NSD3: variants seen among roughly 807,000 people sequenced by gnomAD.
NSD3 encodes nuclear receptor binding SET domain protein 3, also known as histone-lysine N-methyltransferase NSD3.
NSD3 carries 24 observed loss-of-function variants against 160.8 expected under a neutral mutation model. The ratio of observed to expected loss-of-function variants is 0.15; its 90% CI spans 0.11 to 0.21. The LOEUF (loss-of-function observed/expected upper bound fraction) is 0.21, where lower values mean the gene tolerates loss of function less well. Ranked by LOEUF, NSD3 falls within the 10% of genes least tolerant of loss-of-function variation. NSD3 has a pLI of 1.00. For synonymous variants in NSD3, 520 were observed against 600.0 expected, an observed-to-expected ratio of 0.87 and a Z score of 1.95; for missense variants, 1,157 against 1,735.9, an observed-to-expected ratio of 0.67 and a Z score of 5.93.
chr8:38,281,404 A>T, intron 20 of NSD3, 63 bp downstream of exon 20: 2 of 853,268 alleles, frequency 2.3e-6, no homozygotes, highest in Non-Finnish European at 3.4e-6. Flanking sequence ...AGTTCAAATT[A>T]AGACTATGAA....
rs757704368 is a variant in NSD3 at position 38,295,907 on chromosome 8, G to A, written c.2804C>T (p.Pro935Leu). ...TGGCATTTCTATGCTTAGGCATTCCGGGTGGAAGGAAGCTGGGCACGATTC... is the reference window on the plus strand; with the variant it reads ...TGGCATTTCTATGCTTAGGCATTCCAGGTGGAAGGAAGCTGGGCACGATTC... ...CCESCPASFHPECLSIEMPEG... is the reference protein window; with the variant it reads ...CCESCPASFHLECLSIEMPEG... The change falls in exon 16 of 24, where the codon CCG (proline) becomes CTG (leucine). Residue 935 changes from proline to leucine, a missense_variant. By Grantham distance (98) the Pro-to-Leu change is moderately conservative. Around this residue, in one of 10 missense-constraint regions of NSD3, gnomAD observed 437 missense variants for 576.6 expected, o/e 0.76. Transcript: ENST00000317025. The A allele has an allele frequency of 8.1e-6, 13 of 1,613,664 alleles. No individual in the cohort carries two copies. Among genetic ancestry groups the A allele is most frequent in the African/African-American group, 1.3e-5 (1 of 74,982 alleles).
chr8:38,276,801 C>T (rs149835776), intron 22 of NSD3: 1 of 382,330 alleles, frequency 2.6e-6, no homozygotes, highest in African/African-American at 2.1e-5. Context: ...CCTCTTGTCT[C>T]AGCCTCCCAA....
intron 2 of NSD3, among the ~76,000 whole-genome samples, chr8:38,343,121 G>A (rs72630608): frequency 0.09 from 13,618 of 151,590 alleles, 770 homozygotes; most frequent in Middle Eastern, 0.21. Context: ...GCTTGAACCC[G>A]GGAGGCAAGA....
chr8:38,285,043 G>GT (rs1476032061), intron 19 of NSD3, among the ~76,000 whole-genome samples: 2 of 152,182 alleles, frequency 1.3e-5, no homozygotes, highest in Non-Finnish European at 2.9e-5. Context: ...AAAAAAAATT[G>GT]TAACAAATTC....
Position 38,273,438 on chromosome 8 carries a change from C to A in NSD3, c.*2203G>T. The A allele has an allele frequency of 6.6e-6, 1 of 151,960 alleles. No individual in the cohort carries two copies. Among genetic ancestry groups the A allele is most frequent in the Non-Finnish European group, 1.5e-5 (1 of 68,014 alleles). The allele number at this position is 151,960 out of a possible 1,614,324, so 9.4% of individuals were successfully genotyped here. ...AGAAGCTGCATAAAAATACTGAAAC[C>A]TAAGGTATCTGTAGTATATAGGATG... On this transcript the variant is annotated 3_prime_UTR_variant, in exon 24 of 24. Coordinates refer to ENST00000317025, the MANE Select transcript of NSD3 (RefSeq NM_023034.2).
intron 1 of NSD3, among the ~76,000 whole-genome samples, chr8:38,376,009 A>G (rs1441810753): frequency 6.6e-6 from 1 of 152,036 alleles, no homozygotes; most frequent in Non-Finnish European, 1.5e-5. Flanking sequence ...AAAATTAAAT[A>G]AAGTAAGCAA....
In NSD3 at chr8:38,347,878, A is replaced by C; in HGVS notation, c.294T>G (p.Asn98Lys). The C allele has an allele frequency of 1.9e-6, 3 of 1,614,226 alleles. No individual in the cohort carries two copies. Among genetic ancestry groups the C allele is most frequent in the Non-Finnish European group, 2.5e-6 (3 of 1,180,044 alleles). ...SYNQYPNGSA[N>K]GFGAVRNFSP... The stretch of plus-strand genomic sequence containing the variant: ...TAAAGTTTCTAACTGCACCAAAGCC[A>C]TTGGCTGACCCATTAGGATACTGAT... The change falls in exon 2 of 24, where the codon AAT (asparagine) becomes AAG (lysine). Residue 98 changes from asparagine (N) to lysine (K), a missense_variant. Coordinates refer to ENST00000317025, the MANE Select transcript of NSD3 (RefSeq NM_023034.2).
intron 1 of NSD3, among the ~76,000 whole-genome samples, chr8:38,350,479 G>A (rs1036740643): frequency 1.3e-5 from 2 of 152,176 alleles, no homozygotes; most frequent in African/African-American, 2.4e-5. Flanking sequence ...CTGCATAAAT[G>A]TCTTCTTTTG....
chr8:38,327,209 C>T (rs1306354352), intron 6 of NSD3, among the ~76,000 whole-genome samples: 1 of 151,798 alleles, frequency 6.6e-6, no homozygotes, highest in African/African-American at 2.4e-5. Context: ...GCCACCACGC[C>T]CTGCTAATTT....
At chr8:38,295,983 A>C in intron 15 of NSD3, 31 bp from the exon 16 acceptor site, 1 of 1,566,832 alleles carries the variant, frequency 6.4e-7, no homozygotes, top group Non-Finnish European at 8.6e-7. Context: ...TTAATAACTG[A>C]GAAAAGAGGA....
At chr8:38,337,172 A>C (rs1351435227) in intron 4 of NSD3, 133 bp downstream of exon 4, 11 of 918,102 alleles carry the variant, frequency 1.2e-5, no homozygotes, top group Admixed American at 4.2e-5. Context: ...AAAAATCCAC[A>C]AAACTGATAC....
rs1368424682 is a variant in NSD3, at chr8:38,315,922, C to T, written c.1976G>A (p.Ser659Asn). ...CTTGCACATATTTACCTGCAGGTCA[C>T]TCAGTCCTCTAGAATCGGAGTCAGA... ...DTSDSDSRGLSDLQVGFGKQV... is the reference protein window; with the variant it reads ...DTSDSDSRGLNDLQVGFGKQV... Residue 659 changes from serine (S) to asparagine (N), a missense_variant, in exon 10 of 24, where the codon AGT (serine) becomes AAT (asparagine). Ser to Asn is a conservative substitution (Grantham distance 46). Around this residue, in one of 10 missense-constraint regions of NSD3, gnomAD observed 437 missense variants for 576.6 expected, o/e 0.76. Transcript: ENST00000317025. 4.3e-6 allele frequency: 7 copies of T among 1,613,672 alleles called. No homozygotes were observed. Among genetic ancestry groups the T allele is most frequent in the Non-Finnish European group, 5.9e-6 (7 of 1,179,972 alleles).
Position 38,329,272 on chromosome 8 carries a change from G to C in NSD3, c.1581+106C>G. On this transcript the variant is annotated intron_variant, in intron 6 of 23. Transcript: ENST00000317025. The surrounding 1 kb of genome is among the most constrained non-coding windows in gnomAD (Gnocchi z 4.8). ...AATGACTGTATGTTTCAAATTCAGT[G>C]GGTAGAAAGGGTATTTAAATTATGC... 7.6e-7 allele frequency: 1 copy of C among 1,311,844 alleles called. No homozygotes were observed. The highest frequency in any genetic ancestry group is 1.0e-6 in the Non-Finnish European group (1 of 963,172). The allele number at this position is 1,311,844 out of a possible 1,614,324, so 81.3% of individuals were successfully genotyped here. A position where few individuals can be genotyped will look rare whatever the true frequency, so the allele number is the denominator to read the frequency against.
intron 1 of NSD3, among the ~76,000 whole-genome samples, chr8:38,372,005 T>C (rs1389442571): frequency 6.6e-6 from 1 of 152,168 alleles, no homozygotes. Context: ...TACAGAAAAG[T>C]TAAAACTCAA....
chr8:38,302,805 C>T (rs1290198845), intron 14 of NSD3, among the ~76,000 whole-genome samples: 1 of 152,040 alleles, frequency 6.6e-6, no homozygotes, highest in Non-Finnish European at 1.5e-5. Context: ...TGGCTAATTC[C>T]TTTATGTTTT....
chr8:38,290,716 C>A (rs759145703), intron 16 of NSD3, 39 bp from the exon 17 acceptor site: 24 of 1,596,092 alleles, frequency 1.5e-5, no homozygotes, highest in Middle Eastern at 2.1e-4. Context: ...AGGGCAAAAA[C>A]GAAACAAAAA....
rs1809693916 is a variant in NSD3 at position 38,317,510 on chromosome 8, C to G, written c.1855+1385G>C. The G allele has an allele frequency of 9.5e-7, 1 of 1,057,334 alleles. No individual in the cohort carries two copies. The allele number at this position is 1,057,334 out of a possible 1,614,324, so 65.5% of individuals were successfully genotyped here. A position where few individuals can be genotyped will look rare whatever the true frequency, so the allele number is the denominator to read the frequency against. On this transcript the variant is annotated intron_variant, in intron 9 of 23. Coordinates refer to ENST00000317025, the MANE Select transcript of NSD3 (RefSeq NM_023034.2). This position sits in a 1 kb window ranked among gnomAD's most constrained non-coding sequence, Gnocchi z 5.3. ...GTTTCTGAAAATGCTAGAAAAATGACAGACTGCCAAAGACAGCTGTCATGC... is the reference window on the plus strand; with the variant it reads ...GTTTCTGAAAATGCTAGAAAAATGAGAGACTGCCAAAGACAGCTGTCATGC...
intron 6 of NSD3, 23 bp from the exon 7 acceptor site, chr8:38,326,879 AAAC>A (rs777654909): frequency 6.2e-7 from 1 of 1,612,402 alleles, no homozygotes; most frequent in South Asian, 1.1e-5. Flanking sequence ...GCAAAAGAAA[AAAC>A]AACAAAACAG....
intron 1 of NSD3, among the ~76,000 whole-genome samples, chr8:38,372,972 C>T (rs756476929): frequency 1.3e-5 from 2 of 150,266 alleles, no homozygotes; most frequent in Non-Finnish European, 3.0e-5. Flanking sequence ...ATCGCTTGAA[C>T]CCGGGACGCG....
Sources: allele counts gnomAD v4.1 joint callset (sites outside exome capture counted in the v4.1 genomes callset), GRCh38; gene constraint gnomAD v4.1.1; regional missense constraint gnomAD v4.1.1; non-coding constraint Gnocchi (gnomAD v3.1); transcripts MANE v1.5; gene names NCBI Gene and HGNC (gene_info 2026-07-23, HGNC 2026-07-21).